PARD3: variants seen among roughly 807,000 people sequenced by gnomAD.
PARD3 encodes the protein partitioning defective 3 homolog.
PARD3 carries 75 observed loss-of-function variants against 155.4 expected under a neutral mutation model. The ratio of observed to expected loss-of-function variants is 0.48; its 90% CI spans 0.40 to 0.58. PARD3 has a LOEUF of 0.58. Ranked by LOEUF, PARD3 falls within the 20% of genes least tolerant of loss-of-function variation. The pLI is 0.00. For missense variants in PARD3, 1,642 were observed against 1,721.7 expected, an observed-to-expected ratio of 0.95 and a Z score of 0.82; for synonymous variants, 576 against 610.5, an observed-to-expected ratio of 0.94 and a Z score of 0.83.
chr10:34,127,751 A>G (rs1366706871), intron 23 of PARD3, among the ~76,000 whole-genome samples: 1 of 152,136 alleles, frequency 6.6e-6, no homozygotes, highest in Non-Finnish European at 1.5e-5. Flanking sequence ...TGTGTTAACT[A>G]TTTCCATATT....
At chr10:34,632,723 A>G (rs1242771356) in intron 2 of PARD3, among the ~76,000 whole-genome samples, 1 of 152,254 alleles carries the variant, frequency 6.6e-6, no homozygotes, top group African/African-American at 2.4e-5. Flanking sequence ...ATACATAAAT[A>G]CAAAGCATTA....
At chr10:34,459,268 G>A (rs964453782) in intron 4 of PARD3, among the ~76,000 whole-genome samples, 4 of 152,014 alleles carry the variant, frequency 2.6e-5, no homozygotes, top group Non-Finnish European at 5.9e-5. Flanking sequence ...CCGGGTTCAC[G>A]CCATCCTCCA....
At chr10:34,207,096 G>A (rs1042632107) in intron 22 of PARD3, among the ~76,000 whole-genome samples, 3 of 152,178 alleles carry the variant, frequency 2.0e-5, no homozygotes, top group African/African-American at 7.2e-5. Context: ...GTTTGGTTGG[G>A]ATGGGTGAGG....
intron 14 of PARD3, among the ~76,000 whole-genome samples, chr10:34,348,787 T>C (rs191293631): frequency 6.6e-6 from 1 of 152,174 alleles, no homozygotes; most frequent in East Asian, 1.9e-4. Flanking sequence ...GGACCAAATA[T>C]TCTAATAAAG....
intron 1 of PARD3, among the ~76,000 whole-genome samples, chr10:34,698,263 T>A (rs1490231393): frequency 6.6e-6 from 1 of 152,188 alleles, no homozygotes; most frequent in Non-Finnish European, 1.5e-5. Flanking sequence ...TAGCCACCCC[T>A]TGGAAATAAA....
At chr10:34,651,362 A>G (rs1228459117) in intron 2 of PARD3, among the ~76,000 whole-genome samples, 8 of 152,244 alleles carry the variant, frequency 5.3e-5, no homozygotes, top group Admixed American at 5.2e-4. Context: ...GGCATGTCAC[A>G]GGCTTTCTCT....
chr10:34,234,378 T>C (rs1953102817), intron 22 of PARD3, among the ~76,000 whole-genome samples: 2 of 152,202 alleles, frequency 1.3e-5, no homozygotes, highest in African/African-American at 2.4e-5. Flanking sequence ...TAAAATTTCA[T>C]ATTTTAGCTT....
intron 1 of PARD3, among the ~76,000 whole-genome samples, chr10:34,776,606 T>C (rs115003346): frequency 2.0e-3 from 305 of 151,748 alleles, no homozygotes; most frequent in African/African-American, 7.1e-3. Flanking sequence ...TAAGCTATAT[T>C]TGGGGCCAGG....
intron 3 of PARD3, among the ~76,000 whole-genome samples, chr10:34,498,700 C>T (rs1009271648): frequency 2.0e-5 from 3 of 152,094 alleles, no homozygotes; most frequent in Non-Finnish European, 4.4e-5. Flanking sequence ...TCTCTTGAAC[C>T]CAGGAGGCGG....
At chr10:34,709,935 T>C (rs910105261) in intron 1 of PARD3, among the ~76,000 whole-genome samples, 2 of 151,926 alleles carry the variant, frequency 1.3e-5, no homozygotes, top group Non-Finnish European at 2.9e-5. Flanking sequence ...CCAGGGTTCA[T>C]GAGAATACAG....
chr10:34,811,318 G>A (rs1335026395), intron 1 of PARD3, among the ~76,000 whole-genome samples: 1 of 152,036 alleles, frequency 6.6e-6, no homozygotes, highest in Non-Finnish European at 1.5e-5. Flanking sequence ...TGCCTGAATC[G>A]CCTTTGTCCA....
At chr10:34,350,616 G>A (rs1235755258) in intron 14 of PARD3, among the ~76,000 whole-genome samples, 8 of 129,142 alleles carry the variant, frequency 6.2e-5, no homozygotes, top group African/African-American at 2.2e-4. Flanking sequence ...CTGGCTAACA[G>A]AGAGACTCCA....
At chr10:34,627,608 A>T (rs1030997177) in intron 2 of PARD3, among the ~76,000 whole-genome samples, 1 of 152,144 alleles carries the variant, frequency 6.6e-6, no homozygotes, top group Non-Finnish European at 1.5e-5. Context: ...GGACTGATGC[A>T]CCTGCAAGGC....
chr10:34,399,398 G>A lies in PARD3; in HGVS notation c.822C>T (p.Leu274=), dbSNP rs962281485. 21 of 1,608,714 alleles carry A rather than the reference G, an allele frequency of 1.3e-5. No individual in the cohort carries two copies. Among genetic ancestry groups the A allele is most frequent in the South Asian group, 6.6e-5 (6 of 90,944 alleles). Residue 274 remains leucine, a synonymous_variant, in exon 7 of 25, where the codon CTC becomes CTT. Coordinates refer to ENST00000374788, the MANE Select transcript of PARD3 (RefSeq NM_001184785.2). The stretch of plus-strand genomic sequence containing the variant: ...GCCCTCCATCGTTGGGGACTTCTAC[G>A]AGCTTTACCATATCACTGTGAGACA... The part of the protein sequence containing the change: ...PNFSLDDMVK[L]VEVPNDGGPL...
chr10:34,359,758 G>A (rs1479862250), intron 13 of PARD3, among the ~76,000 whole-genome samples: 1 of 152,146 alleles, frequency 6.6e-6, no homozygotes, highest in Non-Finnish European at 1.5e-5. Flanking sequence ...ACAGGGGAGG[G>A]GAGGGGAAAG....
chr10:34,181,235 T>C (rs1950252782), intron 22 of PARD3, among the ~76,000 whole-genome samples: 1 of 152,212 alleles, frequency 6.6e-6, no homozygotes, highest in African/African-American at 2.4e-5. Flanking sequence ...TTGAGGTACT[T>C]CAAACTAAAG....
intron 5 of PARD3, among the ~76,000 whole-genome samples, chr10:34,447,126 G>A (rs893560853): frequency 1.3e-5 from 2 of 152,054 alleles, no homozygotes; most frequent in Admixed American, 6.5e-5. Context: ...CATCACCAGG[G>A]AAATGTAAAT....
intron 1 of PARD3, among the ~76,000 whole-genome samples, chr10:34,738,334 T>C (rs1191895714): frequency 6.6e-6 from 1 of 152,190 alleles, no homozygotes; most frequent in African/African-American, 2.4e-5. Context: ...ACAGGAAGAA[T>C]CCCATTTTCG....
chr10:34,281,108 G>A (rs1257877725), intron 21 of PARD3, among the ~76,000 whole-genome samples: 1 of 151,224 alleles, frequency 6.6e-6, no homozygotes, highest in East Asian at 1.9e-4. Flanking sequence ...ACGGGGCTTT[G>A]TATGGGAGGC....
Sources: gnomAD v4.1 joint callset for allele counts (sites outside exome capture counted in the v4.1 genomes callset) on GRCh38, gnomAD v4.1.1 for gene constraint, MANE v1.5 for transcripts, NCBI Gene and HGNC (gene_info 2026-07-23, HGNC 2026-07-21) for gene names.